GAL3ST2: variants seen among roughly 807,000 people sequenced by gnomAD.
GAL3ST2 encodes beta-galactose-3-O-sulfotransferase 2.
Under a neutral mutation model 12.9 loss-of-function variants are expected in GAL3ST2, and 16 were observed. That is an observed-to-expected ratio of 1.24 (90% CI 0.84 to 1.88). The LOEUF is 1.88. GAL3ST2 is among the 40% of genes most tolerant of loss of function. The pLI is 0.00. For synonymous variants in GAL3ST2, 302 were observed against 273.9 expected, an observed-to-expected ratio of 1.10 and a Z score of -1.01; for missense variants, 639 against 571.8, an observed-to-expected ratio of 1.12 and a Z score of -1.20.
rs112989737 is a variant in GAL3ST2, at chr2:241,800,307, C to T, written c.119+1153C>T. 0.041 allele frequency among the ~76,000 whole-genome samples: 6,212 copies of T among 150,458 alleles called. 184 individuals carry two copies. The highest frequency in any genetic ancestry group is 0.052 in the Admixed American group (783 of 15,122). Reference sequence around the variant, plus strand: ...ACATCCCACAGGCTGGGAGCACAGCCGCCGACCCAGGCTGGGAGCACAGCC... The same window carrying T: ...ACATCCCACAGGCTGGGAGCACAGCTGCCGACCCAGGCTGGGAGCACAGCC... On this transcript the variant is annotated intron_variant, in intron 2 of 3. Transcript: ENST00000192314. The surrounding 1 kb of genome is among the most constrained non-coding windows in gnomAD (Gnocchi z 5.2).
chr2:241,777,715 C>T (rs1008062961), intron 1 of GAL3ST2, among the ~76,000 whole-genome samples: 5 of 152,162 alleles, frequency 3.3e-5, no homozygotes, highest in African/African-American at 9.7e-5. Context: ...GAGGACACCC[C>T]GTCACAGGGC....
chr2:241,799,075 G>A lies in GAL3ST2; in HGVS notation c.40G>A (p.Val14Ile), dbSNP rs761560920. 4 of 1,613,360 alleles carry A rather than the reference G, an allele frequency of 2.5e-6. No individual in the cohort carries two copies. The South Asian group carries it at 3.3e-5, about 13-fold the overall frequency. The change falls in exon 2 of 4, where the codon GTC (valine) becomes ATC (isoleucine). Residue 14 changes from valine to isoleucine, a missense_variant. Physicochemically the swap from Val to Ile is conservative, Grantham distance 29. Transcript: ENST00000192314. ...MLGGLQRYFR[V>I]ILLLLLALTL... Reference sequence around the variant, plus strand: ...CTGCCCTTTCCACAGATACTTCCGGGTCATCCTCCTCCTCCTCCTGGCCCT... The same window carrying A: ...CTGCCCTTTCCACAGATACTTCCGGATCATCCTCCTCCTCCTCCTGGCCCT...
intron 1 of GAL3ST2, among the ~76,000 whole-genome samples, chr2:241,783,129 A>G (rs1444980402): frequency 6.6e-6 from 1 of 150,542 alleles, no homozygotes; most frequent in African/African-American, 2.4e-5. Context: ...CAAAAGTGAA[A>G]CTCCATCTCC....
chr2:241,784,217 T>G (rs563896383), intron 1 of GAL3ST2, among the ~76,000 whole-genome samples: 79 of 152,234 alleles, frequency 5.2e-4, no homozygotes, highest in Middle Eastern at 3.4e-3. Context: ...GTATTTTTAT[T>G]AGAAACGGCA....
Position 241,802,618 on chromosome 2 carries a change from T to G in GAL3ST2, c.375+582T>G, listed in dbSNP as rs1387467421. Among the ~76,000 whole-genome samples, 1 of 21,956 alleles carries G rather than the reference T, an allele frequency of 4.6e-5. No individual in the cohort carries two copies. The highest frequency in any genetic ancestry group is 9.1e-5 in the Non-Finnish European group (1 of 11,038). 14.4% of individuals were successfully genotyped at this position (21,956 alleles called of 152,430 possible). A position where few individuals can be genotyped will look rare whatever the true frequency, so the allele number is the denominator to read the frequency against. On this transcript the variant is annotated intron_variant, in intron 3 of 3. Coordinates refer to ENST00000192314, the MANE Select transcript of GAL3ST2 (RefSeq NM_022134.3). The surrounding 1 kb of genome is among the most constrained non-coding windows in gnomAD (Gnocchi z 4.8). ...AGAGCGGGGCAGCGGGGGTGTGCTG[T>G]GGGGTGGGGGCTGCGGGGCAGAGGG... is the stretch of plus-strand genomic sequence containing the variant.
chr2:241,788,653 G>C (rs1447124050), intron 1 of GAL3ST2, among the ~76,000 whole-genome samples: 1 of 152,188 alleles, frequency 6.6e-6, no homozygotes, highest in East Asian at 1.9e-4. Context: ...TCGTGGGAGT[G>C]TCTAGGGGGT....
chr2:241,803,845 G>GC lies in GAL3ST2; in HGVS notation c.877dup (p.Gln293ProfsTer81). 6.8e-7 allele frequency: 1 copy of GC among 1,462,168 alleles called. No individual in the cohort carries two copies. Among genetic ancestry groups the GC allele is most frequent in the African/African-American group, 1.5e-5 (1 of 67,022 alleles). The allele number at this position is 1,462,168 out of a possible 1,614,324, so 90.6% of individuals were successfully genotyped here. ...AGCATTTCAACCGCACCCTCTGGGC[G>GC]CAGCTGCGCGCCGAGCTGGGGCCGC... is the stretch of plus-strand genomic sequence containing the variant. On this transcript the variant is annotated frameshift_variant, in exon 4 of 4. Transcript: ENST00000192314. LOFTEE classifies it low-confidence loss of function (END_TRUNC).
At position 241,799,058 on chromosome 2, in the gene GAL3ST2, T is replaced by C. The variant is rs1575367194; in HGVS notation, c.30-7T>C. 1 of 1,612,884 alleles carries C rather than the reference T, an allele frequency of 6.2e-7. No individual in the cohort carries two copies. Among genetic ancestry groups the C allele is most frequent in the Non-Finnish European group, 8.5e-7 (1 of 1,179,600 alleles). Reference sequence around the variant, plus strand: ...GACTGGGCACTCATGGCCTGCCCTTTCCACAGATACTTCCGGGTCATCCTC... The same window carrying C: ...GACTGGGCACTCATGGCCTGCCCTTCCCACAGATACTTCCGGGTCATCCTC... On this transcript the variant is annotated splice_polypyrimidine_tract_variant and splice_region_variant and intron_variant, in intron 1 of 3. Transcript: ENST00000192314.
intron 1 of GAL3ST2, among the ~76,000 whole-genome samples, chr2:241,787,971 A>C (rs1241303022): frequency 6.6e-6 from 1 of 152,204 alleles, no homozygotes; most frequent in Admixed American, 6.5e-5. Flanking sequence ...CAAAGGGGGA[A>C]GAACGATCAA....
chr2:241,801,563 T>C lies in GAL3ST2; in HGVS notation c.120-218T>C, dbSNP rs1367626726. The C allele has an allele frequency of 3.5e-6, 2 of 575,794 alleles. No individual in the cohort carries two copies. Among genetic ancestry groups the C allele is most frequent in the Non-Finnish European group, 6.1e-6 (2 of 326,236 alleles). The allele number at this position is 575,794 out of a possible 1,614,324, so 35.7% of individuals were successfully genotyped here. ...GGGGGAGCATGGTTACGGGAGACAG[T>C]TGGGGGAGTTTGTGTTCGGGCCACC... On this transcript the variant is annotated intron_variant, in intron 2 of 3. Transcript: ENST00000192314. This position sits in a 1 kb window ranked among gnomAD's most constrained non-coding sequence, Gnocchi z 4.4.
At chr2:241,788,962 G>T (rs886203983) in intron 1 of GAL3ST2, among the ~76,000 whole-genome samples, 2 of 152,090 alleles carry the variant, frequency 1.3e-5, no homozygotes, top group Admixed American at 6.5e-5. Flanking sequence ...AATAATCCAA[G>T]AATGAGGAGA....
chr2:241,798,371 C>T (rs985264406), intron 1 of GAL3ST2, among the ~76,000 whole-genome samples: 4 of 152,216 alleles, frequency 2.6e-5, no homozygotes, highest in Admixed American at 6.5e-5. Context: ...GGAAGGCATG[C>T]GATCTCGAGC....
At chr2:241,797,078 C>CA (rs1699780664) in intron 1 of GAL3ST2, among the ~76,000 whole-genome samples, 1 of 152,242 alleles carries the variant, frequency 6.6e-6, no homozygotes, top group African/African-American at 2.4e-5. Flanking sequence ...AGGCTGGCCT[C>CA]AAACTCCTAG....
At position 241,800,352 on chromosome 2, in the gene GAL3ST2, G is replaced by GCCGCCGACCCA. The variant is rs1699826872; in HGVS notation, c.119+1198_119+1199insCCGCCGACCCA. On this transcript the variant is annotated intron_variant, in intron 2 of 3. Transcript: ENST00000192314. This position sits in a 1 kb window ranked among gnomAD's most constrained non-coding sequence, Gnocchi z 5.2. ...ACAGCCGCCGACCCAGGCTGGGAGC[G>GCCGCCGACCCA]GGCACTTCGAGGGAGGGGGTGGGAC... is the stretch of plus-strand genomic sequence containing the variant. Among the ~76,000 whole-genome samples, 1 of 149,640 alleles carries GCCGCCGACCCA rather than the reference G, an allele frequency of 6.7e-6. No individual in the cohort carries two copies. Among genetic ancestry groups the GCCGCCGACCCA allele is most frequent in the African/African-American group, 2.5e-5 (1 of 39,224 alleles).
intron 1 of GAL3ST2, among the ~76,000 whole-genome samples, chr2:241,780,086 AAAAG>A (rs1699547905): frequency 6.6e-6 from 1 of 152,244 alleles, no homozygotes; most frequent in African/African-American, 2.4e-5. Flanking sequence ...AAATGGGAAA[AAAAG>A]AAAAAAATGC....
chr2:241,803,200 G>A, intron 3 of GAL3ST2, 145 bp from the exon 4 acceptor site: 1 of 658,500 alleles, frequency 1.5e-6, no homozygotes, highest in Non-Finnish European at 2.5e-6. Context: ...TGCCGCACGA[G>A]AAGGCGCCAG....
chr2:241,782,614 C>T (rs1014470955), intron 1 of GAL3ST2, among the ~76,000 whole-genome samples: 13 of 152,164 alleles, frequency 8.5e-5, no homozygotes, highest in African/African-American at 3.1e-4. Flanking sequence ...GTGTGTACCA[C>T]CATGCCTGTC....
chr2:241,788,662 G>A (rs1167308656), intron 1 of GAL3ST2, among the ~76,000 whole-genome samples: 1 of 152,190 alleles, frequency 6.6e-6, no homozygotes, highest in African/African-American at 2.4e-5. Context: ...TGTCTAGGGG[G>A]TTGACCCCTG....
At chr2:241,797,342 G>C (rs982594502) in intron 1 of GAL3ST2, among the ~76,000 whole-genome samples, 62 of 152,160 alleles carry the variant, frequency 4.1e-4, no homozygotes, top group African/African-American at 1.5e-3. Flanking sequence ...TGGGAGAGCC[G>C]ATGTTCGTTA....
Sources: gnomAD v4.1 joint callset for allele counts (sites outside exome capture counted in the v4.1 genomes callset) on GRCh38, gnomAD v4.1.1 for gene constraint, Gnocchi (gnomAD v3.1) non-coding constraint, MANE v1.5 for transcripts, NCBI Gene and HGNC (gene_info 2026-07-23, HGNC 2026-07-21) for gene names.